Variants in ADGRE3 observed in about 807,000 individuals in gnomAD.
ADGRE3 encodes adhesion G protein-coupled receptor E3.
Under a neutral mutation model 80.1 loss-of-function variants are expected in ADGRE3, and 88 were observed. That is an observed-to-expected ratio of 1.10 (90% confidence interval 0.93 to 1.31). ADGRE3 has a LOEUF of 1.31. Ranked by LOEUF, ADGRE3 falls within the 40% of genes most tolerant of loss-of-function variation. The probability of loss-of-function intolerance (pLI) is 0.00; values close to 1 mark genes in which losing one functional copy is unlikely to be tolerated. For synonymous variants in ADGRE3, 281 were observed against 294.8 expected, an observed-to-expected ratio of 0.95 and a Z score of 0.48; for missense variants, 715 against 776.5, an observed-to-expected ratio of 0.92 and a Z score of 0.94.
downstream of ADGRE3, among the ~76,000 whole-genome samples, chr19:14,617,377 C>CTTTCTTTCTTTTTCTTTCTTTCTTT (rs1491527496): frequency 2.3e-5 from 2 of 86,364 alleles, no homozygotes; most frequent in East Asian, 3.5e-4. Flanking sequence ...TTTCTTTCTT[C>CTTTCTTTCTTTTTCTTTCTTTCTTT]CTTTCTTTCT....
At chr19:14,638,408 G>T in intron 10 of ADGRE3, 68 bp from the exon 11 acceptor site, 1 of 1,222,678 alleles carries the variant, frequency 8.2e-7, no homozygotes, top group South Asian at 1.3e-5. Flanking sequence ...ACCTCTCCTT[G>T]ACATTGGCTT....
the ADGRE3 span, chr19:14,600,251 T>A: frequency 9.8e-6 from 15 of 1,534,376 alleles, no homozygotes; most frequent in Non-Finnish European, 1.2e-5. Flanking sequence ...GATGCACACA[T>A]CCCTCCCTTC....
the ADGRE3 span, among the ~76,000 whole-genome samples, chr19:14,606,486 C>G: frequency 6.6e-6 from 1 of 151,900 alleles, no homozygotes; most frequent in African/African-American, 2.4e-5. Flanking sequence ...TGAGATCAGG[C>G]TGGTCAACAT....
At chr19:14,608,635 T>A in the ADGRE3 span, among the ~76,000 whole-genome samples, 4 of 146,820 alleles carry the variant, frequency 2.7e-5, no homozygotes, top group Non-Finnish European at 4.5e-5. Flanking sequence ...AGAATTTTTT[T>A]TTTTTTTTTT....
chr19:14,647,954 T>C (rs1314181614), intron 7 of ADGRE3, among the ~76,000 whole-genome samples: 2 of 151,794 alleles, frequency 1.3e-5, no homozygotes, highest in Non-Finnish European at 1.5e-5. Flanking sequence ...TGGTGGCACA[T>C]GCTTGTAATC....
At chr19:14,646,626 T>TG (rs1392516147) in intron 8 of ADGRE3, among the ~76,000 whole-genome samples, 1 of 150,350 alleles carries the variant, frequency 6.7e-6, no homozygotes, top group Non-Finnish European at 1.5e-5. Flanking sequence ...GACATTGGTT[T>TG]GGGGAAATTC....
chr19:14,631,770 G>A (rs1014815996), intron 13 of ADGRE3, among the ~76,000 whole-genome samples: 1 of 152,052 alleles, frequency 6.6e-6, no homozygotes, highest in Non-Finnish European at 1.5e-5. Context: ...TATTGTGTGT[G>A]TGTCGGTCTG....
chr19:14,621,506 C>T, intron 15 of ADGRE3: 1 of 548,304 alleles, frequency 1.8e-6, no homozygotes, highest in East Asian at 2.8e-5. Context: ...CACTATGTTG[C>T]CCAGGCTGGT....
chr19:14,609,745 G>A, the ADGRE3 span, among the ~76,000 whole-genome samples: 1 of 152,040 alleles, frequency 6.6e-6, no homozygotes, highest in Non-Finnish European at 1.5e-5. Flanking sequence ...GGCTGAGGCA[G>A]GAGAATTGCT....
chr19:14,622,420 C>T (rs1348104109), intron 15 of ADGRE3, among the ~76,000 whole-genome samples: 4 of 110,532 alleles, frequency 3.6e-5, no homozygotes, highest in African/African-American at 7.6e-5. Context: ...ATTTCTATAG[C>T]GATTGAAAGG....
intron 7 of ADGRE3, 135 bp downstream of exon 7, chr19:14,650,948 TTA>T: frequency 1.1e-5 from 11 of 976,938 alleles, no homozygotes; most frequent in East Asian, 5.3e-5. Context: ...TTTTTTTTTT[TTA>T]AAGGGAAAAT....
At chr19:14,616,323 A>G (rs949434988), downstream of ADGRE3, among the ~76,000 whole-genome samples, 4 of 152,072 alleles carry the variant, frequency 2.6e-5, no homozygotes, top group African/African-American at 9.7e-5. Flanking sequence ...CTCCAAAATA[A>G]TCTACCTGCA....
the ADGRE3 span, among the ~76,000 whole-genome samples, chr19:14,603,279 G>A: frequency 1.3e-5 from 2 of 152,044 alleles, no homozygotes; most frequent in African/African-American, 4.8e-5. Flanking sequence ...GCACACATCG[G>A]GTCTTTGCTG....
At chr19:14,636,145 T>TCTTTCTTTCTTTCTTTCTTTCTTC (rs1971070357) in intron 11 of ADGRE3, among the ~76,000 whole-genome samples, 5 of 22,292 alleles carry the variant, frequency 2.2e-4, no homozygotes, top group African/African-American at 6.1e-4. Flanking sequence ...TTTCTTTCTT[T>TCTTTCTTTCTTTCTTTCTTTCTTC]CTTTCTTCCT....
chr19:14,648,087 CAAAAA>C (rs60371636), intron 7 of ADGRE3, among the ~76,000 whole-genome samples: 1 of 108,368 alleles, frequency 9.2e-6, no homozygotes, highest in African/African-American at 3.5e-5. Flanking sequence ...ATCTCAAAGA[CAAAAA>C]AAAAAAAAAA....
intron 5 of ADGRE3, among the ~76,000 whole-genome samples, chr19:14,656,012 G>A (rs529464778): frequency 6.6e-6 from 1 of 152,070 alleles, no homozygotes; most frequent in East Asian, 1.9e-4. Flanking sequence ...GGACACACAC[G>A]AGGAGTGAGT....
the ADGRE3 span, among the ~76,000 whole-genome samples, chr19:14,604,966 A>G: frequency 6.6e-6 from 1 of 152,260 alleles, no homozygotes; most frequent in South Asian, 2.1e-4. Context: ...AAACAGCAAC[A>G]ATAGCCAGAA....
At chr19:14,633,938 G>A (rs983792799) in intron 11 of ADGRE3, among the ~76,000 whole-genome samples, 3 of 151,454 alleles carry the variant, frequency 2.0e-5, no homozygotes, top group Admixed American at 6.6e-5. Context: ...CACCACACCC[G>A]GCTAATTTTT....
chr19:14,601,560 C>A, the ADGRE3 span, among the ~76,000 whole-genome samples: 1 of 152,044 alleles, frequency 6.6e-6, no homozygotes, highest in Non-Finnish European at 1.5e-5. Context: ...GCCTAGGTAG[C>A]CGGCTTTCAA....
Sources: allele counts gnomAD v4.1 joint callset (sites outside exome capture counted in the v4.1 genomes callset), GRCh38; gene constraint gnomAD v4.1.1; transcripts MANE v1.5; gene names NCBI Gene and HGNC (gene_info 2026-07-23, HGNC 2026-07-21).